Variants in MYO15A observed in about 807,000 individuals in gnomAD.
MYO15A encodes the protein unconventional myosin-XV.
Under a neutral mutation model 394.6 loss-of-function variants are expected in MYO15A, and 308 were observed. The observed-to-expected ratio is 0.78, with a 90% CI of 0.71 to 0.86. The LOEUF (loss-of-function observed/expected upper bound fraction) is 0.86. Ranked by LOEUF, MYO15A falls within the 40% of genes least tolerant of loss-of-function variation. The pLI is 0.00. For synonymous variants in MYO15A, 1,957 were observed against 2,003.8 expected (o/e 0.98, Z 0.62); for missense variants, 4,606 against 4,799.1 (o/e 0.96, Z 1.19).
At chr17:18,136,199 C>G (rs1488033444) in intron 13 of MYO15A, among the ~76,000 whole-genome samples, 1 of 152,152 alleles carries the variant, frequency 6.6e-6, no homozygotes, top group African/African-American at 2.4e-5. Flanking sequence ...CTGCTGATGC[C>G]TCTGTCTCCC....
In MYO15A at chr17:18,132,432, GC is replaced by G. The variant is rs775292452; in HGVS notation, c.4207-18del. 2.8e-5 allele frequency: 45 copies of G among 1,605,328 alleles called. No individual in the cohort carries two copies. The South Asian group carries it at 4.7e-4, about 17-fold the overall frequency. The stretch of plus-strand genomic sequence containing the variant: ...CTAGGTAGGTGGCTCCCTTCTCTGT[GC>G]CCACCTACCCACTCTACAGGCCAAA... On this transcript the variant is annotated intron_variant, in intron 10 of 65. Coordinates refer to ENST00000647165, the MANE Select transcript of MYO15A (RefSeq NM_016239.4). The surrounding 1 kb of genome is among the most constrained non-coding windows in gnomAD (Gnocchi z 4.6).
rs1282357101 is a variant in MYO15A, at chr17:18,169,147, AT to A, written c.10082+1425del. 3.1e-4 allele frequency among the ~76,000 whole-genome samples: 44 copies of A among 140,338 alleles called. 1 individual carries two copies. Among genetic ancestry groups the A allele is most frequent in the Admixed American group, 8.0e-4 (11 of 13,702 alleles). 92.1% of individuals were successfully genotyped at this position (140,338 alleles called of 152,430 possible). On this transcript the variant is annotated intron_variant, in intron 62 of 65. Transcript: ENST00000647165. ...AATAATAATAATAATAATAATAATA[AT>A]AATAATAATAAAAATAGGCTGGGCA...
intron 2 of MYO15A, chr17:18,124,261 G>C: frequency 1.6e-6 from 1 of 615,126 alleles, no homozygotes; most frequent in Non-Finnish European, 3.0e-6. Context: ...TCATGGGAGG[G>C]CCTGCCTGGG....
chr17:18,118,769 G>C lies in MYO15A; in HGVS notation c.-32G>C, dbSNP rs761008422. 2.1e-5 allele frequency: 33 copies of C among 1,607,326 alleles called. 3 individuals carry two copies. In the South Asian group the frequency reaches 3.6e-4, roughly 17 times the overall value. On this transcript the variant is annotated 5_prime_UTR_variant, in exon 2 of 66. Coordinates refer to ENST00000647165, the MANE Select transcript of MYO15A (RefSeq NM_016239.4). ...CCAAGTCCCTGAGCCCGTGACACCG[G>C]CCCCAGGCCCTGTAGAGAGCAGGCA...
chr17:18,116,214 G>A (rs1338866158), intron 1 of MYO15A, among the ~76,000 whole-genome samples: 1 of 152,246 alleles, frequency 6.6e-6, no homozygotes, highest in Non-Finnish European at 1.5e-5. Flanking sequence ...CCTGTTGGAG[G>A]CCCAGCTGGG....
At position 18,138,140 on chromosome 17, in the gene MYO15A, A is replaced by G. The variant is rs1453915866; in HGVS notation, c.4901A>G (p.Asp1634Gly). 1.9e-6 allele frequency: 3 copies of G among 1,613,046 alleles called. No individual in the cohort carries two copies. The Middle Eastern group carries it at 4.9e-4, about 266-fold the overall frequency. The change falls in exon 17 of 66, where the codon GAC (aspartate) becomes GGC (glycine). Residue 1634 changes from aspartate (D) to glycine (G), a missense_variant. By Grantham distance (94) the Asp-to-Gly change is moderately conservative (BLOSUM62 -1). This residue lies in a region of MYO15A where 2,776 missense variants were observed against 3,109.3 expected (regional missense o/e 0.89). Coordinates refer to ENST00000647165, the MANE Select transcript of MYO15A (RefSeq NM_016239.4). ...EQEEYIREQIDWQEITFADNQ... is the reference protein window; with the variant it reads ...EQEEYIREQIGWQEITFADNQ... ...GAGGAGTACATCCGTGAGCAGATAG[A>G]CTGGCAGGAGATCACCTTTGCTGAC...
rs967104927 is a variant in MYO15A at position 18,157,827 on chromosome 17, G to A, written c.8894G>A (p.Arg2965His). Residue 2965 changes from arginine to histidine, a missense_variant, in exon 51 of 66, where the codon CGC (arginine) becomes CAC (histidine). Arg to His is a conservative substitution (Grantham distance 29). Transcript: ENST00000647165. ...DFLQLPTEPGRGRAAAVAAAV... is the reference protein window; with the variant it reads ...DFLQLPTEPGHGRAAAVAAAV... ...CTGCAGCTGCCAACGGAGCCAGGCC[G>A]CGGCCGAGCAGCCGCCGTGGCCGCT... 5.0e-6 allele frequency: 8 copies of A among 1,597,076 alleles called. No individual in the cohort carries two copies. The East Asian group carries it at 6.7e-5, about 13-fold the overall frequency.
At chr17:18,154,030 G>T in intron 43 of MYO15A, 101 bp from the exon 44 acceptor site, 1 of 1,601,036 alleles carries the variant, frequency 6.2e-7, no homozygotes. Flanking sequence ...ACCAGGGGTG[G>T]GGTTACAGCC....
chr17:18,156,397 C>A, intron 48 of MYO15A, 61 bp downstream of exon 48: 3 of 1,570,230 alleles, frequency 1.9e-6, no homozygotes, highest in Admixed American at 1.8e-5. Context: ...CAGGGATCTC[C>A]CTGTTCCAGG....
At chr17:18,135,547 G>A (rs2046249782) in intron 12 of MYO15A, among the ~76,000 whole-genome samples, 164 bp from the exon 13 acceptor site, 1 of 151,846 alleles carries the variant, frequency 6.6e-6, no homozygotes, top group Non-Finnish European at 1.5e-5. Flanking sequence ...CTCCATGTTG[G>A]TCAGGTTGGT....
At position 18,148,182 on chromosome 17, in the gene MYO15A, C is replaced by T; in HGVS notation, c.6663C>T (p.Ser2221=). 14 of 1,613,806 alleles carry T rather than the reference C, an allele frequency of 8.7e-6. No individual in the cohort carries two copies. The highest frequency in any genetic ancestry group is 1.2e-5 in the Non-Finnish European group (14 of 1,180,044). ...LEWTATYEKA[S]MALDVGCFNG... The stretch of plus-strand genomic sequence containing the variant: ...GGACAGCGACCTATGAGAAGGCCAG[C>T]ATGGCGCTGGACGTGGGCTGCTTCA... The change falls in exon 31 of 66, where the codon AGC becomes AGT. Residue 2221 remains serine, a synonymous_variant. Coordinates refer to ENST00000647165, the MANE Select transcript of MYO15A (RefSeq NM_016239.4). The surrounding 1 kb of genome is among the most constrained non-coding windows in gnomAD (Gnocchi z 4.8).
chr17:18,142,643 A>G (rs1187640590), intron 24 of MYO15A, 113 bp from the exon 25 acceptor site: 16 of 899,518 alleles, frequency 1.8e-5, no homozygotes, highest in Non-Finnish European at 2.9e-5. Context: ...AGGACCCCAA[A>G]AGTGAGATGT....
chr17:18,143,424 G>C, intron 25 of MYO15A, 142 bp from the exon 26 acceptor site: 1 of 923,114 alleles, frequency 1.1e-6, no homozygotes. Flanking sequence ...CACCTGTGGA[G>C]TGGGGCAGTC....
At chr17:18,139,486 CAG>C in intron 18 of MYO15A, 46 bp from the exon 19 acceptor site, 1 of 1,582,618 alleles carries the variant, frequency 6.3e-7, no homozygotes, top group South Asian at 1.1e-5. Flanking sequence ...CTAGGATAGA[CAG>C]AGAGACAGAG....
chr17:18,147,954 C>T lies in MYO15A; in HGVS notation c.6510-75C>T. The T allele has an allele frequency of 6.3e-7, 1 of 1,575,786 alleles. No individual in the cohort carries two copies. The highest frequency in any genetic ancestry group is 1.1e-5 in the South Asian group (1 of 89,574). On this transcript the variant is annotated intron_variant, in intron 30 of 65. Coordinates refer to ENST00000647165, the MANE Select transcript of MYO15A (RefSeq NM_016239.4). This position sits in a 1 kb window ranked among gnomAD's most constrained non-coding sequence, Gnocchi z 4.4. ...CTCAGACTAGCCTCAGAATTTCCTA[C>T]CCCCACCCCGCAGCCCTCAGCCCCA...
At chr17:18,151,083 C>T in intron 38 of MYO15A, 27 bp from the exon 39 acceptor site, 1 of 1,613,324 alleles carries the variant, frequency 6.2e-7, no homozygotes. Flanking sequence ...TCCCAGGCAG[C>T]CCACCCTCAC....
rs768728132 is a variant in MYO15A, at chr17:18,137,695, T to C, written c.4875+16T>C. Reference sequence around the variant, plus strand: ...GGAGGAGCAGGTGTGTGGGCCCCATTAATACTCCTGTCCCTGTCTTGACTG... The same window carrying C: ...GGAGGAGCAGGTGTGTGGGCCCCATCAATACTCCTGTCCCTGTCTTGACTG... On this transcript the variant is annotated intron_variant, in intron 16 of 65. Coordinates refer to ENST00000647165, the MANE Select transcript of MYO15A (RefSeq NM_016239.4). The C allele has an allele frequency of 6.1e-5, 98 of 1,612,066 alleles. No individual in the cohort carries two copies. Among genetic ancestry groups the C allele is most frequent in the Non-Finnish European group, 7.6e-5 (89 of 1,178,720 alleles).
rs762974826 is a variant in MYO15A at position 18,152,151 on chromosome 17, A to G, written c.7933A>G (p.Ser2645Gly). The G allele has an allele frequency of 3.2e-6, 5 of 1,551,004 alleles. No homozygotes were observed. The South Asian group carries it at 5.9e-5, about 18-fold the overall frequency. The change falls in exon 42 of 66, where the codon AGT becomes GGT. Residue 2645 changes from serine (S) to glycine (G), a missense_variant. Physicochemically the swap from Ser to Gly is moderately conservative, Grantham distance 56. Coordinates refer to ENST00000647165, the MANE Select transcript of MYO15A (RefSeq NM_016239.4). ...CGTGGCCCTGGTGAAGCCGGTGACC[A>G]GTGCACCAAGGCCATCCATGGCACC... ...EAVALVKPVTSAPRPSMAPTS... is the reference protein window; with the variant it reads ...EAVALVKPVTGAPRPSMAPTS...
chr17:18,114,896 TC>T (rs1406644619), intron 1 of MYO15A, among the ~76,000 whole-genome samples: 1 of 152,104 alleles, frequency 6.6e-6, no homozygotes, highest in Admixed American at 6.5e-5. Flanking sequence ...TTCCCTGGTG[TC>T]ATCCTCCAGA....
Sources: allele counts gnomAD v4.1 joint callset (sites outside exome capture counted in the v4.1 genomes callset), GRCh38; gene constraint gnomAD v4.1.1; regional missense constraint gnomAD v4.1.1; non-coding constraint Gnocchi (gnomAD v3.1); transcripts MANE v1.5; gene names NCBI Gene and HGNC (gene_info 2026-07-23, HGNC 2026-07-21).